Variants in INTS2 observed in about 807,000 individuals in gnomAD.
INTS2 encodes the protein integrator complex subunit 2, also known as KIAA1287.
A neutral mutation model predicts 139.6 loss-of-function variants in INTS2; 57 were observed. That is an observed-to-expected ratio of 0.41 (90% confidence interval 0.33 to 0.51). INTS2 has a LOEUF of 0.51. Among genes scored for constraint, INTS2 ranks in the 20% least tolerant of loss-of-function variants. INTS2 has a pLI of 0.28. For missense variants in INTS2, 1,196 were observed against 1,436.7 expected (o/e 0.83, Z 2.71); for synonymous variants, 473 against 493.4 (o/e 0.96, Z 0.55).
rs1008386714 is a variant in INTS2 at position 61,889,870 on chromosome 17, G to A, written c.1900C>T (p.Arg634Cys). 40 of 1,609,252 alleles carry A rather than the reference G, an allele frequency of 2.5e-5. No individual in the cohort carries two copies. The highest frequency in any genetic ancestry group is 1.2e-4 in the African/African-American group (9 of 74,820). The change falls in exon 15 of 25, where the codon CGT becomes TGT. Residue 634 changes from arginine to cysteine, a missense_variant. Physicochemically the swap from Arg to Cys is radical, Grantham distance 180. Transcript: ENST00000251334. ...IGGDNIRLNQ[R>C]FSITAQLLVL... is the part of the protein sequence containing the mutation. ...AAAAGCTGTGCTGTGATACTGAAAC[G>A]CTGATTAAGGCGGATGTTGTCACCC...
In INTS2 at chr17:61,884,960, T is replaced by C. The variant is rs1469174475; in HGVS notation, c.2030A>G (p.Asp677Gly). Residue 677 changes from aspartate to glycine, a missense_variant, in exon 16 of 25, where the codon GAT becomes GGT. Transcript: ENST00000251334. ...AATAAGGAATTTGATAGGAATCTGATCCATTAAAGAAGAAGAATATGATTT... is the reference window on the plus strand; with the variant it reads ...AATAAGGAATTTGATAGGAATCTGACCCATTAAAGAAGAAGAATATGATTT... ...KPKSYSSSLM[D>G]QIPIKFLIRQ... 1.2e-6 allele frequency: 2 copies of C among 1,608,484 alleles called. No homozygotes were observed. The highest frequency in any genetic ancestry group is 2.2e-5 in the East Asian group (1 of 44,792).
intron 7 of INTS2, among the ~76,000 whole-genome samples, chr17:61,908,765 A>G (rs1431779257): frequency 6.7e-6 from 1 of 150,300 alleles, no homozygotes; most frequent in African/African-American, 2.4e-5. Flanking sequence ...CCTGACATAT[A>G]TGAAGCATCC....
chr17:61,913,928 C>T (rs1313314631), intron 5 of INTS2, among the ~76,000 whole-genome samples: 2 of 151,586 alleles, frequency 1.3e-5, no homozygotes, highest in Non-Finnish European at 2.9e-5. Context: ...GTTTATAATT[C>T]ATGTAAAAGT....
intron 5 of INTS2, among the ~76,000 whole-genome samples, chr17:61,914,873 C>CA (rs749701339): frequency 0.011 from 1,288 of 116,570 alleles, 7 homozygotes; most frequent in African/African-American, 0.026. Flanking sequence ...GACACTATCT[C>CA]AAAAAAAAAA....
chr17:61,893,726 G>C lies in INTS2; in HGVS notation c.1698+39C>G. On this transcript the variant is annotated intron_variant, in intron 13 of 24. Transcript: ENST00000251334. This position sits in a 1 kb window ranked among gnomAD's most constrained non-coding sequence, Gnocchi z 5.4. ...AAAAAAATATATATATAAAAATGTA[G>C]GGGCATGCTTTTATTTTGTTTTATT... 7.0e-7 allele frequency: 1 copy of C among 1,421,594 alleles called. No individual in the cohort carries two copies. The highest frequency in any genetic ancestry group is 1.9e-4 in the Middle Eastern group (1 of 5,348). The allele number at this position is 1,421,594 out of a possible 1,614,324, so 88.1% of individuals were successfully genotyped here.
chr17:61,926,784 TG>T, intron 1 of INTS2, 122 bp from the exon 2 acceptor site: 1 of 773,026 alleles, frequency 1.3e-6, no homozygotes, highest in Non-Finnish European at 2.2e-6. Flanking sequence ...GCAATGTTCC[TG>T]GCACAATCAA....
intron 17 of INTS2, 36 bp from the exon 18 acceptor site, chr17:61,878,124 T>C (rs1466981838): frequency 7.6e-7 from 1 of 1,313,886 alleles, no homozygotes; most frequent in South Asian, 1.2e-5. Flanking sequence ...ACCTAAATTC[T>C]GTACAGTTTA....
At chr17:61,885,620 A>G (rs952208815) in intron 15 of INTS2, among the ~76,000 whole-genome samples, 1 of 151,744 alleles carries the variant, frequency 6.6e-6, no homozygotes. Flanking sequence ...GCATTTTGCA[A>G]TGTTGGCCAG....
In INTS2 at chr17:61,866,493, T is replaced by G. The variant is rs1475805104; in HGVS notation, c.*1064A>C. The G allele has an allele frequency of 1.3e-5, 2 of 152,074 alleles. No individual in the cohort carries two copies. Among genetic ancestry groups the G allele is most frequent in the African/African-American group, 4.8e-5 (2 of 41,412 alleles). 9.4% of individuals were successfully genotyped at this position (152,074 alleles called of 1,614,324 possible). The stretch of plus-strand genomic sequence containing the variant: ...ATAATTTTTTTTTAATGATTAGGGT[T>G]TACCTGAATATGTCTGCCTAATCAA... On this transcript the variant is annotated 3_prime_UTR_variant, in exon 25 of 25. Coordinates refer to ENST00000251334, the MANE Select transcript of INTS2 (RefSeq NM_001351695.2).
chr17:61,887,800 C>G (rs1435194974), intron 15 of INTS2, among the ~76,000 whole-genome samples: 3 of 152,052 alleles, frequency 2.0e-5, no homozygotes, highest in African/African-American at 7.2e-5. Flanking sequence ...CACCTGTAAT[C>G]CCAGCACTTT....
chr17:61,904,485 G>C lies in INTS2; in HGVS notation c.1282C>G (p.Leu428Val). The change falls in exon 9 of 25, where the codon CTA (leucine) becomes GTA (valine). Residue 428 changes from leucine (L) to valine (V), a missense_variant. Coordinates refer to ENST00000251334, the MANE Select transcript of INTS2 (RefSeq NM_001351695.2). Reference protein sequence around the residue: ...VRFVSLSFCMLLAFSTLVSTP... With the variant: ...VRFVSLSFCMVLAFSTLVSTP... ...CTGACAAGTGTAGAAAAGGCCAGTA[G>C]CATACAAAAGGAAAGTGAAACAAAG... 6.2e-7 allele frequency: 1 copy of C among 1,610,484 alleles called. No homozygotes were observed. The highest frequency in any genetic ancestry group is 8.5e-7 in the Non-Finnish European group (1 of 1,177,272).
At chr17:61,903,836 C>T (rs2079433604) in intron 9 of INTS2, among the ~76,000 whole-genome samples, 1 of 151,898 alleles carries the variant, frequency 6.6e-6, no homozygotes, top group African/African-American at 2.4e-5. Context: ...GTGTTTAGGA[C>T]AGGGAGAAAA....
rs1168008326 is a variant in INTS2 at position 61,911,512 on chromosome 17, AC to A, written c.954+7del. 6.2e-7 allele frequency: 1 copy of A among 1,613,322 alleles called. No homozygotes were observed. The highest frequency in any genetic ancestry group is 8.5e-7 in the Non-Finnish European group (1 of 1,179,506). ...GATCCTTAGCCTATACAGATATTTA[AC>A]CCTCACCTGCTGTCCATTTCGGATA... On this transcript the variant is annotated splice_region_variant and intron_variant, in intron 7 of 24. Coordinates refer to ENST00000251334, the MANE Select transcript of INTS2 (RefSeq NM_001351695.2).
rs1021370856 is a variant in INTS2, at chr17:61,893,469, G to C, written c.1698+296C>G. Among the ~76,000 whole-genome samples, 5 of 152,096 alleles carry C rather than the reference G, an allele frequency of 3.3e-5. No individual in the cohort carries two copies. The highest frequency in any genetic ancestry group is 6.6e-5 in the Admixed American group (1 of 15,248). ...CCAGCACTTTGGTCGGTTGAGACAG[G>C]CATATCACTTGAGGTCAGGAGTTCG... On this transcript the variant is annotated intron_variant, in intron 13 of 24. Coordinates refer to ENST00000251334, the MANE Select transcript of INTS2 (RefSeq NM_001351695.2). The surrounding 1 kb of genome is among the most constrained non-coding windows in gnomAD (Gnocchi z 5.4).
chr17:61,886,362 C>T (rs980605823), intron 15 of INTS2, among the ~76,000 whole-genome samples: 1 of 152,156 alleles, frequency 6.6e-6, no homozygotes, highest in African/African-American at 2.4e-5. Context: ...TTAAGTCAGG[C>T]AATACGAATT....
At chr17:61,895,275 A>G in intron 12 of INTS2, 40 bp downstream of exon 12, 2 of 1,197,382 alleles carry the variant, frequency 1.7e-6, no homozygotes, top group African/African-American at 1.6e-5. Context: ...GAATATTGTA[A>G]AAGAAAGTTA....
chr17:61,924,760 C>T (rs2079691314), intron 3 of INTS2, among the ~76,000 whole-genome samples: 1 of 151,982 alleles, frequency 6.6e-6, no homozygotes, highest in Admixed American at 6.6e-5. Context: ...ATCTGGGAGA[C>T]AGAGATTACA....
chr17:61,891,515 C>T lies in INTS2; in HGVS notation c.1873G>A (p.Gly625Arg), dbSNP rs1350888841. ...EILNIFQGVI[G>R]GDNIRLNQRF... ...ATATAAAAGAACCACTATTTTACCC[C>T]AATGACTCCTTGGAAAATATTGAGT... Residue 625 changes from glycine (G) to arginine (R), a missense_variant and splice_region_variant, in exon 14 of 25, where the codon GGG becomes AGG. By Grantham distance (125) the Gly-to-Arg change is moderately radical. This residue lies in a region of INTS2 where 1,129 missense variants were observed against 1,341.9 expected (regional missense o/e 0.84). Coordinates refer to ENST00000251334, the MANE Select transcript of INTS2 (RefSeq NM_001351695.2). The T allele has an allele frequency of 9.3e-6, 15 of 1,610,842 alleles. No homozygotes were observed. Among genetic ancestry groups the T allele is most frequent in the Non-Finnish European group, 1.3e-5 (15 of 1,177,776 alleles).
At chr17:61,910,086 T>A (rs1027240293) in intron 7 of INTS2, 1 of 152,176 alleles carries the variant, frequency 6.6e-6, no homozygotes, top group Non-Finnish European at 1.5e-5. Context: ...CTGACACATG[T>A]TACAACATAG....
Sources: gnomAD v4.1 joint callset for allele counts (sites outside exome capture counted in the v4.1 genomes callset) on GRCh38, gnomAD v4.1.1 for gene constraint, gnomAD v4.1.1 regional missense constraint, Gnocchi (gnomAD v3.1) non-coding constraint, MANE v1.5 for transcripts, NCBI Gene and HGNC (gene_info 2026-07-23, HGNC 2026-07-21) for gene names.